LRRK1: variants seen among roughly 807,000 people sequenced by gnomAD.
LRRK1 encodes the protein leucine rich repeat kinase 1, also known as leucine-rich repeat serine/threonine-protein kinase 1.
Under a neutral mutation model 209.1 loss-of-function variants are expected in LRRK1, and 113 were observed. The observed-to-expected ratio is 0.54, with a 90% CI of 0.46 to 0.63. The LOEUF (loss-of-function observed/expected upper bound fraction) is 0.63, where lower values mean the gene tolerates loss of function less well. Ranked by LOEUF, LRRK1 falls within the 30% of genes least tolerant of loss-of-function variation. The pLI, the probability that LRRK1 is intolerant of heterozygous loss-of-function variation, is 0.00. For missense variants in LRRK1, 2,284 were observed against 2,632.2 expected (o/e 0.87, Z 2.89); for synonymous variants, 1,144 against 1,099.7 (o/e 1.04, Z -0.80).
intron 6 of LRRK1, among the ~76,000 whole-genome samples, chr15:100,996,734 TC>T (rs2032435025): frequency 6.6e-6 from 1 of 152,210 alleles, no homozygotes; most frequent in Non-Finnish European, 1.5e-5. Flanking sequence ...GCGCGTGGCT[TC>T]TCAGTCCTGT....
At chr15:101,029,608 C>G (rs1226496802) in intron 20 of LRRK1, among the ~76,000 whole-genome samples, 1 of 152,066 alleles carries the variant, frequency 6.6e-6, no homozygotes, top group Admixed American at 6.5e-5. Flanking sequence ...TGGCTCACAC[C>G]TTTAATCCCA....
At position 101,028,956 on chromosome 15, in the gene LRRK1, C is replaced by T. The variant is rs747624120; in HGVS notation, c.2687C>T (p.Ala896Val). ...TTCCTCCTCTCCTTGCCTGGGGCAG[C>T]CATCAGCTTCCTCATAGAAACCGGC... ...DIKDYEDLQS[A>V]ISFLIETGTL... The change falls in exon 20 of 34, where the codon GCC becomes GTC. Residue 896 changes from alanine (A) to valine (V), a missense_variant and splice_region_variant. Ala to Val is a moderately conservative substitution (Grantham distance 64, BLOSUM62 0). Transcript: ENST00000388948. 18 of 1,613,490 alleles carry T rather than the reference C, an allele frequency of 1.1e-5. No homozygotes were observed. Among genetic ancestry groups the T allele is most frequent in the African/African-American group, 2.7e-5 (2 of 74,930 alleles).
Position 101,014,318 on chromosome 15 carries a change from C to A in LRRK1, c.1422C>A (p.Ala474=), listed in dbSNP as rs2033426195. The change falls in exon 11 of 34, where the codon GCC becomes GCA. Residue 474 remains alanine, a splice_region_variant and synonymous_variant. Coordinates refer to ENST00000388948, the MANE Select transcript of LRRK1 (RefSeq NM_024652.6). ...EVPLGLFQLD[A]LMFLRLQGNQ... Reference sequence around the variant, plus strand: ...CTCTCCCTCCCTCTCTCTCTCAGGCCCTCATGTTCTTGAGGTTACAGGGGA... The same window carrying A: ...CTCTCCCTCCCTCTCTCTCTCAGGCACTCATGTTCTTGAGGTTACAGGGGA... 1.2e-6 allele frequency: 2 copies of A among 1,608,680 alleles called. No homozygotes were observed. The highest frequency in any genetic ancestry group is 1.7e-6 in the Non-Finnish European group (2 of 1,175,890).
chr15:100,942,680 A>G (rs2042463692), intron 2 of LRRK1, among the ~76,000 whole-genome samples: 1 of 152,198 alleles, frequency 6.6e-6, no homozygotes, highest in Admixed American at 6.5e-5. Flanking sequence ...TTATCTTCAG[A>G]ATGCTTTTTC....
chr15:100,987,295 A>G (rs553799170), intron 4 of LRRK1, among the ~76,000 whole-genome samples: 1 of 152,250 alleles, frequency 6.6e-6, no homozygotes, highest in South Asian at 2.1e-4. Flanking sequence ...CCCTAGGACT[A>G]TGTGCCTCTG....
intron 2 of LRRK1, among the ~76,000 whole-genome samples, chr15:100,928,210 C>T (rs2042147664): frequency 6.6e-6 from 1 of 152,172 alleles, no homozygotes. Flanking sequence ...AAACGGTAAA[C>T]CTCCTGTGCT....
intron 2 of LRRK1, among the ~76,000 whole-genome samples, chr15:100,927,547 A>G (rs954082610): frequency 6.6e-6 from 1 of 152,182 alleles, no homozygotes; most frequent in African/African-American, 2.4e-5. Context: ...AGCTTGAAGT[A>G]GGGACAGGAC....
At chr15:100,941,292 GTGTGTGTC>G (rs2042402571) in intron 2 of LRRK1, among the ~76,000 whole-genome samples, 1 of 99,872 alleles carries the variant, frequency 1.0e-5, no homozygotes, top group Non-Finnish European at 2.4e-5. Flanking sequence ...GTGTGTGTCT[GTGTGTGTC>G]TATGTGTGTG....
At chr15:100,994,177 T>A (rs2032292939) in intron 6 of LRRK1, among the ~76,000 whole-genome samples, 1 of 152,218 alleles carries the variant, frequency 6.6e-6, no homozygotes, top group Non-Finnish European at 1.5e-5. Flanking sequence ...ACATATGAAA[T>A]TATTGGGGTA....
intron 2 of LRRK1, among the ~76,000 whole-genome samples, chr15:100,972,361 A>AGTGT (rs1282794235): frequency 4.4e-4 from 37 of 84,024 alleles, no homozygotes; most frequent in African/African-American, 1.5e-3. Context: ...AGAGAGAGAG[A>AGTGT]GAGTGTGTGT....
chr15:101,014,829 A>G (rs1471534651), intron 11 of LRRK1, among the ~76,000 whole-genome samples: 1 of 152,210 alleles, frequency 6.6e-6, no homozygotes, highest in Non-Finnish European at 1.5e-5. Context: ...CATTCTGAGG[A>G]ATTGGAGGTT....
chr15:101,028,364 C>G (rs2034137261), intron 19 of LRRK1, among the ~76,000 whole-genome samples: 1 of 152,234 alleles, frequency 6.6e-6, no homozygotes, highest in South Asian at 2.1e-4. Flanking sequence ...CAAAGCTTAT[C>G]TAACACACAG....
At chr15:101,019,817 G>A (rs1027262917) in intron 12 of LRRK1, among the ~76,000 whole-genome samples, 9 of 152,308 alleles carry the variant, frequency 5.9e-5, no homozygotes, top group Middle Eastern at 6.8e-3. Flanking sequence ...TTAGTAGGGA[G>A]GATAAAGGCA....
At chr15:101,058,743 G>A (rs946816976) in intron 29 of LRRK1, among the ~76,000 whole-genome samples, 8 of 151,470 alleles carry the variant, frequency 5.3e-5, no homozygotes, top group African/African-American at 1.9e-4. Context: ...CAAATTCAGG[G>A]AGCACAATGC....
At chr15:100,951,721 A>G (rs113875341) in intron 2 of LRRK1, among the ~76,000 whole-genome samples, 11,301 of 152,118 alleles carry the variant, frequency 0.074, 778 homozygotes, top group African/African-American at 0.18. Flanking sequence ...GGAGGCCGAG[A>G]CAGGTGGATC....
At chr15:100,975,086 T>A (rs367838036) in intron 3 of LRRK1, among the ~76,000 whole-genome samples, 34 of 152,252 alleles carry the variant, frequency 2.2e-4, no homozygotes, top group African/African-American at 8.0e-4. Context: ...AAGATCCCTC[T>A]GATTAGGAAT....
chr15:101,042,458 C>G (rs1454463299), intron 20 of LRRK1, among the ~76,000 whole-genome samples: 1 of 152,144 alleles, frequency 6.6e-6, no homozygotes, highest in Non-Finnish European at 1.5e-5. Context: ...TGCCCAGCCA[C>G]CTGCTCTGCT....
rs1213816191 is a variant in LRRK1, at chr15:101,055,098, A to G, written c.4207A>G (p.Ile1403Val). Residue 1403 changes from isoleucine to valine, a missense_variant, in exon 27 of 34, where the codon ATC becomes GTC. By Grantham distance (29) the Ile-to-Val change is conservative (BLOSUM62 3). Coordinates refer to ENST00000388948, the MANE Select transcript of LRRK1 (RefSeq NM_024652.6). ...GTGGTCCCTTGACGTCAAGGAGCAC[A>G]TCAACATCAAGCTATCTGACTACGG... ...LVWSLDVKEH[I>V]NIKLSDYGIS... 1 of 1,614,194 alleles carries G rather than the reference A, an allele frequency of 6.2e-7. No individual in the cohort carries two copies. Among genetic ancestry groups the G allele is most frequent in the Non-Finnish European group, 8.5e-7 (1 of 1,180,012 alleles).
chr15:101,020,970 C>A, intron 12 of LRRK1, 83 bp from the exon 13 acceptor site: 2 of 1,511,606 alleles, frequency 1.3e-6, no homozygotes, highest in Non-Finnish European at 1.8e-6. Flanking sequence ...GAGGTTGCAT[C>A]AGTTTATACG....
Sources: allele counts gnomAD v4.1 joint callset (sites outside exome capture counted in the v4.1 genomes callset), GRCh38; gene constraint gnomAD v4.1.1; transcripts MANE v1.5; gene names NCBI Gene and HGNC (gene_info 2026-07-23, HGNC 2026-07-21).